PCM1: variants seen among roughly 807,000 people sequenced by gnomAD.
PCM1 encodes pericentriolar material 1 protein.
A neutral mutation model predicts 241.9 loss-of-function variants in PCM1; 157 were observed. That is an observed-to-expected ratio of 0.65 (90% CI 0.57 to 0.74). The LOEUF is 0.74. Among genes scored for constraint, PCM1 ranks in the 30% least tolerant of loss-of-function variants. The pLI, the probability that PCM1 is intolerant of heterozygous loss-of-function variation, is 0.00. For missense variants in PCM1, 3,478 were observed against 2,360.1 expected, an observed-to-expected ratio of 1.47 and a Z score of -9.81; for synonymous variants, 1,085 against 784.9, an observed-to-expected ratio of 1.38 and a Z score of -6.39.
intron 29 of PCM1, among the ~76,000 whole-genome samples, chr8:18,001,198 G>A (rs777145526): frequency 3.3e-5 from 5 of 152,140 alleles, no homozygotes; most frequent in Non-Finnish European, 7.4e-5. Context: ...GCTGCTATGA[G>A]GTCAAGTAGT....
intron 2 of PCM1, among the ~76,000 whole-genome samples, chr8:17,932,825 T>C (rs1173038439): frequency 6.6e-6 from 1 of 152,234 alleles, no homozygotes; most frequent in Non-Finnish European, 1.5e-5. Context: ...GTTTTAATCT[T>C]TGACTATTTT....
intron 9 of PCM1, among the ~76,000 whole-genome samples, chr8:17,953,721 G>A (rs938379165): frequency 2.6e-5 from 4 of 152,052 alleles, no homozygotes; most frequent in African/African-American, 7.2e-5. Context: ...GTATAACTGC[G>A]GGAGTTATCT....
At chr8:17,948,070 A>G (rs1207248385) in intron 7 of PCM1, among the ~76,000 whole-genome samples, 2 of 152,146 alleles carry the variant, frequency 1.3e-5, no homozygotes, top group Non-Finnish European at 1.5e-5. Context: ...AAACTAAGTT[A>G]TGTTTTCTAA....
Position 17,942,178 on chromosome 8 carries a change from G to T in PCM1, c.783+2317G>T, listed in dbSNP as rs374326313. 2.4e-4 allele frequency among the ~76,000 whole-genome samples: 36 copies of T among 152,178 alleles called. No individual in the cohort carries two copies. In the East Asian group the frequency reaches 6.2e-3, roughly 26 times the overall value. On this transcript the variant is annotated intron_variant, in intron 6 of 38. Transcript: ENST00000325083. The stretch of plus-strand genomic sequence containing the variant: ...CAGTTGCCCTTTGTTTCTGATATTT[G>T]TGTTTATTAATTTAGATGGGGCCAG...
chr8:17,991,667 G>A lies in PCM1; in HGVS notation c.4657G>A (p.Ala1553Thr). The A allele has an allele frequency of 6.4e-7, 1 of 1,559,464 alleles. No homozygotes were observed. The highest frequency in any genetic ancestry group is 1.2e-5 in the South Asian group (1 of 84,534). The change falls in exon 28 of 39, where the codon GCT becomes ACT. Residue 1553 changes from alanine (A) to threonine (T), a missense_variant. Physicochemically the swap from Ala to Thr is moderately conservative, Grantham distance 58. Transcript: ENST00000325083. ...CAGGATTATTGAGGATGGAGATGGT[G>A]CTGGTGCAGGTACTACAGTTAATAA... The part of the protein sequence containing the change: ...TCRIIEDGDG[A>T]GAGTTVNNLE...
intron 17 of PCM1, among the ~76,000 whole-genome samples, chr8:17,964,103 G>GGT (rs1257393506): frequency 2.6e-5 from 4 of 152,112 alleles, no homozygotes; most frequent in Non-Finnish European, 5.9e-5. Context: ...ACTAGATATA[G>GGT]GTGGTTATTT....
At position 18,027,841 on chromosome 8, in the gene PCM1, A is replaced by G; in HGVS notation, c.*179A>G. On this transcript the variant is annotated 3_prime_UTR_variant, in exon 39 of 39. Transcript: ENST00000325083. Reference sequence around the variant, plus strand: ...ACATCAGAAACTGAATTCTGGACAGATTTAAGCCTTGACACACTGTGTTTT... The same window carrying G: ...ACATCAGAAACTGAATTCTGGACAGGTTTAAGCCTTGACACACTGTGTTTT... 2.4e-6 allele frequency: 1 copy of G among 413,622 alleles called. No individual in the cohort carries two copies. Among genetic ancestry groups the G allele is most frequent in the Non-Finnish European group, 4.3e-6 (1 of 232,598 alleles). 25.6% of individuals were successfully genotyped at this position (413,622 alleles called of 1,614,324 possible). A position where few individuals can be genotyped will look rare whatever the true frequency, so the allele number is the denominator to read the frequency against.
intron 22 of PCM1, among the ~76,000 whole-genome samples, chr8:17,971,250 G>C (rs2076754731): frequency 6.6e-6 from 1 of 152,206 alleles, no homozygotes; most frequent in South Asian, 2.1e-4. Context: ...GTAAGTTACA[G>C]GTTTCTAACC....
At chr8:18,014,926 A>G in intron 36 of PCM1, 86 bp downstream of exon 36, 1 of 1,201,344 alleles carries the variant, frequency 8.3e-7, no homozygotes, top group South Asian at 1.6e-5. Flanking sequence ...CTCCACATGT[A>G]AACCATTTTG....
intron 29 of PCM1, among the ~76,000 whole-genome samples, chr8:18,000,996 A>G (rs1176529316): frequency 1.3e-5 from 2 of 152,218 alleles, no homozygotes; most frequent in Non-Finnish European, 1.5e-5. Flanking sequence ...AGCTAATTCC[A>G]GGCACAGCTG....
intron 2 of PCM1, chr8:17,926,932 T>G (rs1000131534): frequency 1.3e-5 from 2 of 152,128 alleles, no homozygotes; most frequent in African/African-American, 4.8e-5. Flanking sequence ...ATATTGGAAT[T>G]GAGGCCAGAG....
intron 29 of PCM1, among the ~76,000 whole-genome samples, chr8:18,001,904 A>T (rs903608236): frequency 2.0e-5 from 3 of 151,216 alleles, no homozygotes; most frequent in African/African-American, 7.3e-5. Flanking sequence ...AGATTATTCC[A>T]TGTAAAAACA....
rs142706636 is a variant in PCM1 at position 17,935,721 on chromosome 8, T to C, written c.96+15T>C. 3.1e-3 allele frequency: 3,548 copies of C among 1,146,672 alleles called. 40 individuals are homozygous for C. Among genetic ancestry groups the C allele is most frequent in the South Asian group, 0.014 (1,122 of 80,690 alleles). The allele number at this position is 1,146,672 out of a possible 1,614,324, so 71.0% of individuals were successfully genotyped here. On this transcript the variant is annotated intron_variant, in intron 3 of 38. Transcript: ENST00000325083. Reference sequence around the variant, plus strand: ...TCAACAATATGGTATGATTCCTTACTCTTCATGGTGTGTTGTTGGCTATTA... The same window carrying C: ...TCAACAATATGGTATGATTCCTTACCCTTCATGGTGTGTTGTTGGCTATTA...
At chr8:17,924,440 G>C (rs750755415) in intron 1 of PCM1, among the ~76,000 whole-genome samples, 27 of 152,160 alleles carry the variant, frequency 1.8e-4, no homozygotes, top group Non-Finnish European at 3.5e-4. Context: ...AGGATAGTTA[G>C]GGCTAACCAT....
At chr8:17,946,504 C>G (rs1182639628) in intron 6 of PCM1, among the ~76,000 whole-genome samples, 1 of 136,266 alleles carries the variant, frequency 7.3e-6, no homozygotes, top group Non-Finnish European at 1.6e-5. Flanking sequence ...TTCCTTTTTT[C>G]TTTTTTCTTT....
At chr8:17,942,633 ATT>A (rs1403376480) in intron 6 of PCM1, among the ~76,000 whole-genome samples, 13 of 151,564 alleles carry the variant, frequency 8.6e-5, no homozygotes, top group African/African-American at 2.9e-4. Flanking sequence ...TGGTTTTTTA[ATT>A]TTCCATGATT....
chr8:18,010,712 G>T, intron 32 of PCM1, 44 bp downstream of exon 32: 2 of 1,402,602 alleles, frequency 1.4e-6, no homozygotes, highest in Non-Finnish European at 2.0e-6. Context: ...GCTGGGCGCG[G>T]TGGCTCACCC....
intron 27 of PCM1, among the ~76,000 whole-genome samples, chr8:17,990,313 T>A (rs1383946535): frequency 6.6e-6 from 1 of 152,064 alleles, no homozygotes; most frequent in African/African-American, 2.4e-5. Flanking sequence ...TTTAAGGTCA[T>A]CTAGTTAATT....
rs1490650337 is a variant in PCM1 at position 18,010,682 on chromosome 8, A to C, written c.5220+14A>C. 6.3e-7 allele frequency: 1 copy of C among 1,582,058 alleles called. No homozygotes were observed. Among genetic ancestry groups the C allele is most frequent in the Non-Finnish European group, 8.6e-7 (1 of 1,162,742 alleles). On this transcript the variant is annotated intron_variant, in intron 32 of 38. Transcript: ENST00000325083. The stretch of plus-strand genomic sequence containing the variant: ...GATGAAGACAAAGTATGTGCTAATT[A>C]ATTTTTGCCTAAAAATATGGCTGGG...
Sources: allele counts gnomAD v4.1 joint callset (sites outside exome capture counted in the v4.1 genomes callset), GRCh38; gene constraint gnomAD v4.1.1; transcripts MANE v1.5; gene names NCBI Gene and HGNC (gene_info 2026-07-23, HGNC 2026-07-21).